The following PTPRF variants were observed in gnomAD, a reference collection of about 807,000 sequenced individuals.
PTPRF encodes the protein receptor-type tyrosine-protein phosphatase F.
A neutral mutation model predicts 201.8 loss-of-function variants in PTPRF; 59 were observed. The observed-to-expected ratio is 0.29, with a 90% confidence interval of 0.24 to 0.36. PTPRF has a LOEUF of 0.36. Ranked by LOEUF, PTPRF falls within the 10% of genes least tolerant of loss-of-function variation. The pLI, the probability that PTPRF is intolerant of heterozygous loss-of-function variation, is 1.00. For synonymous variants in PTPRF, 1,088 were observed against 1,089.7 expected (o/e 1.00, Z 0.03); for missense variants, 2,132 against 2,690.5 (o/e 0.79, Z 4.59).
chr1:43,554,674 G>A lies in PTPRF; in HGVS notation c.379+733G>A, dbSNP rs545309954. Among the ~76,000 whole-genome samples, 2 of 152,082 alleles carry A rather than the reference G, an allele frequency of 1.3e-5. No individual in the cohort carries two copies. Among genetic ancestry groups the A allele is most frequent in the Non-Finnish European group, 1.5e-5 (1 of 67,986 alleles). On this transcript the variant is annotated intron_variant, in intron 5 of 33. Coordinates refer to ENST00000359947, the MANE Select transcript of PTPRF (RefSeq NM_002840.5). This position sits in a 1 kb window ranked among gnomAD's most constrained non-coding sequence, Gnocchi z 4.1. ...AGCATGAGTCTGGAGAGGTTTGGAG[G>A]GCAGATTACACAGGATCTGGCTGAG...
intron 6 of PTPRF, among the ~76,000 whole-genome samples, chr1:43,577,661 G>C (rs915424528): frequency 2.0e-5 from 3 of 152,164 alleles, no homozygotes; most frequent in Admixed American, 6.5e-5. Flanking sequence ...GGGCCCGGCA[G>C]CTTCTGTCCA....
rs191420453 is a variant in PTPRF at position 43,577,344 on chromosome 1, A to G, written c.569-1466A>G. ...CCCATCAGGGCTGCTCTTAAAGGAG[A>G]TGGTATTTGGCATGTGCACTGGGCC... On this transcript the variant is annotated intron_variant, in intron 6 of 33. Coordinates refer to ENST00000359947, the MANE Select transcript of PTPRF (RefSeq NM_002840.5). 2.9e-3 allele frequency among the ~76,000 whole-genome samples: 439 copies of G among 152,216 alleles called. 1 individual carries two copies. The highest frequency in any genetic ancestry group is 4.2e-3 in the Non-Finnish European group (283 of 68,016).
chr1:43,589,881 C>A (rs533366371), intron 8 of PTPRF, among the ~76,000 whole-genome samples: 160 of 151,016 alleles, frequency 1.1e-3, no homozygotes, highest in African/African-American at 3.5e-3. Flanking sequence ...AAAAAAAAAA[C>A]CAGATTCCTT....
intron 23 of PTPRF, among the ~76,000 whole-genome samples, chr1:43,615,955 CAG>C (rs1371642828): frequency 1.3e-5 from 2 of 152,088 alleles, no homozygotes. Flanking sequence ...CACATGCCCT[CAG>C]GGAACCCAGT....
chr1:43,541,331 G>A (rs182251234), intron 2 of PTPRF, among the ~76,000 whole-genome samples: 1 of 152,370 alleles, frequency 6.6e-6, no homozygotes, highest in African/African-American at 2.4e-5. Context: ...TCTCCAGCCA[G>A]GGAAGCCCCC....
intron 25 of PTPRF, 69 bp downstream of exon 25, chr1:43,617,980 TC>T: frequency 6.8e-7 from 1 of 1,473,610 alleles, no homozygotes; most frequent in Non-Finnish European, 9.2e-7. Flanking sequence ...CAGGGCACCT[TC>T]TTCTGTGCCG....
Position 43,603,569 on chromosome 1 carries a change from C to G in PTPRF, c.2458+36C>G. On this transcript the variant is annotated intron_variant, in intron 15 of 33. Transcript: ENST00000359947. This position sits in a 1 kb window ranked among gnomAD's most constrained non-coding sequence, Gnocchi z 5.8. ...GGTCAGGACGGACCTGAGGGTGGGG[C>G]AGCAGGAGGGCAGCGCCAGAGCCCA... 3 of 1,612,794 alleles carry G rather than the reference C, an allele frequency of 1.9e-6. No homozygotes were observed. Among genetic ancestry groups the G allele is most frequent in the South Asian group, 2.2e-5 (2 of 91,064 alleles).
At chr1:43,572,738 T>G (rs1052079317) in intron 6 of PTPRF, among the ~76,000 whole-genome samples, 3 of 152,136 alleles carry the variant, frequency 2.0e-5, no homozygotes, top group East Asian at 1.9e-4. Context: ...TGCAGCTGAT[T>G]CTCTTGCAGC....
At chr1:43,597,277 ATG>A (rs1652543117) in intron 11 of PTPRF, among the ~76,000 whole-genome samples, 3 of 152,016 alleles carry the variant, frequency 2.0e-5, no homozygotes, top group South Asian at 4.1e-4. Flanking sequence ...GACACTGTAT[ATG>A]TGTGACACTG....
At chr1:43,616,336 T>G (rs1450547906) in intron 23 of PTPRF, among the ~76,000 whole-genome samples, 1 of 151,456 alleles carries the variant, frequency 6.6e-6, no homozygotes, top group Non-Finnish European at 1.5e-5. Flanking sequence ...CTATTATCAT[T>G]ATTGCTCTCC....
intron 11 of PTPRF, among the ~76,000 whole-genome samples, chr1:43,593,669 A>G (rs1342691110): frequency 4.8e-5 from 1 of 20,892 alleles, no homozygotes; most frequent in Non-Finnish European, 1.7e-4. Flanking sequence ...CTTCCATCCT[A>G]CTTTACACAA....
chr1:43,587,645 G>A (rs921140839), intron 7 of PTPRF, among the ~76,000 whole-genome samples: 1 of 152,226 alleles, frequency 6.6e-6, no homozygotes, highest in African/African-American at 2.4e-5. Flanking sequence ...GGTCCTCAGA[G>A]ACCAGTGCTC....
intron 9 of PTPRF, 108 bp from the exon 10 acceptor site, chr1:43,591,704 G>A (rs1398970814): frequency 1.4e-6 from 2 of 1,477,558 alleles, no homozygotes; most frequent in African/African-American, 1.4e-5. Flanking sequence ...CAGTTGGGAT[G>A]TAGGATAAGG....
intron 19 of PTPRF, 81 bp downstream of exon 19, chr1:43,605,703 G>T (rs984972003): frequency 4.5e-6 from 6 of 1,334,978 alleles, no homozygotes; most frequent in Admixed American, 1.8e-5. Context: ...CACTGTCCCA[G>T]TGACTCTCAG....
intron 5 of PTPRF, among the ~76,000 whole-genome samples, chr1:43,561,139 C>T (rs1645780227): frequency 6.6e-6 from 1 of 152,156 alleles, no homozygotes; most frequent in Non-Finnish European, 1.5e-5. Context: ...CCCCTGACCA[C>T]TCCACAACAC....
intron 23 of PTPRF, among the ~76,000 whole-genome samples, chr1:43,615,511 C>T (rs941227732): frequency 2.0e-5 from 3 of 147,252 alleles, no homozygotes; most frequent in Admixed American, 6.8e-5. Flanking sequence ...CCAAGGCTGC[C>T]GTGGGCTCTC....
Position 43,620,241 on chromosome 1 carries a change from C to G in PTPRF, c.5238+20C>G. 1 of 1,613,002 alleles carries G rather than the reference C, an allele frequency of 6.2e-7. No homozygotes were observed. Among genetic ancestry groups the G allele is most frequent in the South Asian group, 1.1e-5 (1 of 90,964 alleles). On this transcript the variant is annotated intron_variant, in intron 30 of 33. Transcript: ENST00000359947. ...GGCAGGGTGAGCCCACCCTTTCCCCCAGGGCCCCTGTCATACCTGGGAGAA... is the reference window on the plus strand; with the variant it reads ...GGCAGGGTGAGCCCACCCTTTCCCCGAGGGCCCCTGTCATACCTGGGAGAA...
chr1:43,591,290 G>T lies in PTPRF; in HGVS notation c.1268G>T (p.Arg423Leu). Reference protein sequence around the residue: ...PSSPPRRVQARMLSASTMLVQ... With the variant: ...PSSPPRRVQALMLSASTMLVQ... ...AGCCCACCGCGCCGCGTGCAGGCAC[G>T]CATGCTGAGCGCCAGCACCATGCTG... is the stretch of plus-strand genomic sequence containing the variant. Residue 423 changes from arginine (R) to leucine (L), a missense_variant, in exon 9 of 34, where the codon CGC (arginine) becomes CTC (leucine). Around this residue, in one of 6 missense-constraint regions of PTPRF, gnomAD observed 351 missense variants for 401.7 expected, o/e 0.87. Coordinates refer to ENST00000359947, the MANE Select transcript of PTPRF (RefSeq NM_002840.5). 6.4e-7 allele frequency: 1 copy of T among 1,552,978 alleles called. No homozygotes were observed. The highest frequency in any genetic ancestry group is 8.7e-7 in the Non-Finnish European group (1 of 1,150,362).
At chr1:43,562,367 C>T (rs1264304859) in intron 5 of PTPRF, among the ~76,000 whole-genome samples, 1 of 152,026 alleles carries the variant, frequency 6.6e-6, no homozygotes, top group Non-Finnish European at 1.5e-5. Context: ...CTCAGCCTCC[C>T]AAAGTGCTGG....
Sources: gnomAD v4.1 joint callset for allele counts (sites outside exome capture counted in the v4.1 genomes callset) on GRCh38, gnomAD v4.1.1 for gene constraint, gnomAD v4.1.1 regional missense constraint, Gnocchi (gnomAD v3.1) non-coding constraint, MANE v1.5 for transcripts, NCBI Gene and HGNC (gene_info 2026-07-23, HGNC 2026-07-21) for gene names.